Variants in ABR observed in about 807,000 individuals in gnomAD.
ABR encodes active breakpoint cluster region-related protein.
A neutral mutation model predicts 107.2 loss-of-function variants in ABR; 35 were observed. That is an observed-to-expected ratio of 0.33 (90% CI 0.25 to 0.43). ABR has a LOEUF of 0.43. Among genes scored for constraint, ABR ranks in the 20% least tolerant of loss-of-function variants. ABR has a pLI of 1.00. For synonymous variants in ABR, 498 were observed against 462.0 expected, an observed-to-expected ratio of 1.08 and a Z score of -1.00; for missense variants, 815 against 1,115.2, an observed-to-expected ratio of 0.73 and a Z score of 3.83.
intron 1 of ABR, among the ~76,000 whole-genome samples, chr17:1,128,048 G>A (rs994183797): frequency 1.3e-5 from 2 of 152,186 alleles, no homozygotes; most frequent in East Asian, 3.8e-4. Context: ...GGTTAAGGGG[G>A]GCTGACCATG....
rs925317055 is a variant in ABR, at chr17:1,037,166, G to C, written c.1791+12884C>G. 5.9e-5 allele frequency among the ~76,000 whole-genome samples: 9 copies of C among 152,188 alleles called. No homozygotes were observed. Among genetic ancestry groups the C allele is most frequent in the African/African-American group, 2.2e-4 (9 of 41,436 alleles). ...GAGAGGGGTCCAGGGTGGGCTCAAG[G>C]TTGAAGATGGGCACAGTGTAAGGAA... On this transcript the variant is annotated intron_variant, in intron 16 of 22. Coordinates refer to ENST00000302538, the MANE Select transcript of ABR (RefSeq NM_021962.5). This position sits in a 1 kb window ranked among gnomAD's most constrained non-coding sequence, Gnocchi z 4.6.
rs1439517329 is a variant in ABR at position 1,006,040 on chromosome 17, G to A, written c.*40C>T. On this transcript the variant is annotated 3_prime_UTR_variant, in exon 23 of 23. Transcript: ENST00000302538. ...TCTGAGTTGGACCCCAGGCTGGAGG[G>A]GCTGGTTCCACCACCCGCCCGCAGC... The A allele has an allele frequency of 6.7e-7, 1 of 1,500,552 alleles. No individual in the cohort carries two copies. The highest frequency in any genetic ancestry group is 9.1e-7 in the Non-Finnish European group (1 of 1,100,656). 93.0% of individuals were successfully genotyped at this position (1,500,552 alleles called of 1,614,324 possible).
chr17:1,212,102 A>G (rs146120264), intron 1 of ABR, among the ~76,000 whole-genome samples: 92 of 151,162 alleles, frequency 6.1e-4, no homozygotes, highest in Middle Eastern at 3.4e-3. Context: ...AAAAATTACT[A>G]TAACAAGAAG....
chr17:1,147,079 G>A (rs535450246), intron 1 of ABR, among the ~76,000 whole-genome samples: 7 of 152,368 alleles, frequency 4.6e-5, no homozygotes, highest in African/African-American at 1.7e-4. Context: ...CAGTCCCTGG[G>A]CAGGGCCAGG....
chr17:1,182,445 G>C (rs1257119210), upstream of ABR: 2 of 152,226 alleles, frequency 1.3e-5, no homozygotes, highest in African/African-American at 4.8e-5. Context: ...TCGGCTCACT[G>C]CAAGCTCCGC....
At chr17:1,108,969 G>A (rs757145443) in intron 2 of ABR, 16 of 1,597,366 alleles carry the variant, frequency 1.0e-5, no homozygotes, top group Non-Finnish European at 5.1e-6. Flanking sequence ...CCTGAGCCGG[G>A]GCTGGTCGGG....
chr17:1,073,604 A>T, intron 7 of ABR, 21 bp downstream of exon 7: 1 of 1,555,710 alleles, frequency 6.4e-7, no homozygotes, highest in Non-Finnish European at 8.7e-7. Context: ...CTCTCTGGCC[A>T]TTCGGAGGCT....
chr17:1,035,756 G>C (rs889480613), intron 16 of ABR, among the ~76,000 whole-genome samples: 5 of 145,818 alleles, frequency 3.4e-5, no homozygotes, highest in African/African-American at 1.3e-4. Context: ...AACATTCCTA[G>C]TGGACCATCC....
intron 16 of ABR, among the ~76,000 whole-genome samples, chr17:1,025,530 C>T (rs1400119262): frequency 6.6e-6 from 1 of 152,170 alleles, no homozygotes; most frequent in Non-Finnish European, 1.5e-5. Flanking sequence ...GTCGCCTGGC[C>T]GCCGTCCCCT....
chr17:1,095,491 A>G (rs2037351640), intron 3 of ABR, among the ~76,000 whole-genome samples: 1 of 152,086 alleles, frequency 6.6e-6, no homozygotes, highest in South Asian at 2.1e-4. Flanking sequence ...CAGGGGCAGG[A>G]GGGTGGACTG....
chr17:1,080,101 T>C (rs1346606982), intron 5 of ABR, among the ~76,000 whole-genome samples: 1 of 152,024 alleles, frequency 6.6e-6, no homozygotes, highest in East Asian at 1.9e-4. Context: ...GAGGAACCCA[T>C]GAGGTAGGAA....
intron 3 of ABR, among the ~76,000 whole-genome samples, 165 bp downstream of exon 3, chr17:1,100,472 G>C (rs1268776893): frequency 6.6e-6 from 1 of 152,230 alleles, no homozygotes. Context: ...CAATGACCCG[G>C]GCTGCCCGAT....
intron 2 of ABR, among the ~76,000 whole-genome samples, chr17:1,122,844 C>T (rs924475514): frequency 2.6e-5 from 4 of 152,202 alleles, no homozygotes; most frequent in Non-Finnish European, 5.9e-5. Flanking sequence ...TTGGGCTTCC[C>T]GTTGGCTGCA....
Position 1,011,634 on chromosome 17 carries a change from G to T in ABR, c.2101+212C>A. On this transcript the variant is annotated intron_variant, in intron 19 of 22. Transcript: ENST00000302538. This position sits in a 1 kb window ranked among gnomAD's most constrained non-coding sequence, Gnocchi z 4.8. ...TGGGTCATCCTGGGCAAGTGAGTCG[G>T]CCCTTGTGAGTTTCTGCAGTTGCTT... The T allele has an allele frequency of 2.1e-6, 1 of 484,582 alleles. No individual in the cohort carries two copies. The highest frequency in any genetic ancestry group is 3.4e-5 in the East Asian group (1 of 29,046). 30.0% of individuals were successfully genotyped at this position (484,582 alleles called of 1,614,324 possible). A position where few individuals can be genotyped will look rare whatever the true frequency, so the allele number is the denominator to read the frequency against.
Position 1,179,771 on chromosome 17 carries a change from G to C in ABR, c.-44C>G. 1 of 600,150 alleles carries C rather than the reference G, an allele frequency of 1.7e-6. No homozygotes were observed. Among genetic ancestry groups the C allele is most frequent in the Non-Finnish European group, 2.8e-6 (1 of 355,786 alleles). 37.2% of individuals were successfully genotyped at this position (600,150 alleles called of 1,614,324 possible). On this transcript the variant is annotated 5_prime_UTR_variant, in exon 1 of 23. Transcript: ENST00000302538. The surrounding 1 kb of genome is among the most constrained non-coding windows in gnomAD (Gnocchi z 4.9). ...TCAGATCCGAAACCCGACCCTCATC[G>C]CGCAACAAAGGAGGGAGAGCGGGCG...
At chr17:1,042,486 A>G (rs1423991473) in intron 16 of ABR, among the ~76,000 whole-genome samples, 1 of 151,950 alleles carries the variant, frequency 6.6e-6, no homozygotes, top group Non-Finnish European at 1.5e-5. Context: ...GGGTGGGTGG[A>G]CAAACAGATA....
At chr17:1,214,412 C>A (rs79518876) in intron 1 of ABR, among the ~76,000 whole-genome samples, 85 of 152,176 alleles carry the variant, frequency 5.6e-4, no homozygotes, top group African/African-American at 2.0e-3. Flanking sequence ...TTAAATTATT[C>A]CTTAACAAGT....
chr17:1,049,941 A>G, intron 16 of ABR, 109 bp downstream of exon 16: 1 of 1,451,376 alleles, frequency 6.9e-7, no homozygotes, highest in South Asian at 1.4e-5. Context: ...TCCTCCAACC[A>G]GCTTGGAACC....
chr17:1,046,873 A>T (rs749690130), intron 16 of ABR, among the ~76,000 whole-genome samples: 4 of 152,198 alleles, frequency 2.6e-5, no homozygotes, highest in Non-Finnish European at 4.4e-5. Flanking sequence ...CACGACAAGG[A>T]TCACACGAGG....
Sources: gnomAD v4.1 joint callset for allele counts (sites outside exome capture counted in the v4.1 genomes callset) on GRCh38, gnomAD v4.1.1 for gene constraint, Gnocchi (gnomAD v3.1) non-coding constraint, MANE v1.5 for transcripts, NCBI Gene and HGNC (gene_info 2026-07-23, HGNC 2026-07-21) for gene names.